The following RTF1 variants were observed in gnomAD, a reference collection of about 807,000 sequenced individuals.
RTF1 encodes the protein RNA polymerase-associated protein RTF1 homolog.
A neutral mutation model predicts 95.7 loss-of-function variants in RTF1; 10 were observed. The ratio of observed to expected loss-of-function variants is 0.10; its 90% CI spans 0.06 to 0.18. RTF1 has a LOEUF of 0.18. Among genes scored for constraint, RTF1 ranks in the 10% least tolerant of loss-of-function variants. The probability of loss-of-function intolerance (pLI) is 1.00; values close to 1 mark genes in which losing one functional copy is unlikely to be tolerated. For missense variants in RTF1, 458 were observed against 875.6 expected (o/e 0.52, Z 6.02); for synonymous variants, 305 against 311.8 (o/e 0.98, Z 0.23).
intron 2 of RTF1, among the ~76,000 whole-genome samples, chr15:41,449,800 A>T (rs1162787311): frequency 6.6e-6 from 1 of 152,094 alleles, no homozygotes; most frequent in East Asian, 1.9e-4. Flanking sequence ...ACCTCATCAT[A>T]AAAACGAAAA....
intron 1 of RTF1, among the ~76,000 whole-genome samples, chr15:41,418,859 A>AT (rs1425274174): frequency 4.0e-5 from 6 of 151,404 alleles, no homozygotes; most frequent in Admixed American, 2.0e-4. Context: ...TTATTTATTT[A>AT]TTTATTTTTT....
intron 2 of RTF1, 77 bp from the exon 3 acceptor site, chr15:41,452,817 GACTCTTA>G (rs2050795454): frequency 8.4e-6 from 8 of 956,886 alleles, no homozygotes; most frequent in African/African-American, 1.7e-5. Context: ...GAATGCCAGA[GACTCTTA>G]ACTCTTGAGT....
chr15:41,464,491 G>A (rs543124586), intron 4 of RTF1, among the ~76,000 whole-genome samples: 169 of 151,872 alleles, frequency 1.1e-3, no homozygotes, highest in African/African-American at 3.7e-3. Context: ...CCCCCGCCTC[G>A]GCCTCCCAAA....
Position 41,432,477 on chromosome 15 carries a change from G to A in RTF1, c.199-5844G>A, listed in dbSNP as rs990085422. Among the ~76,000 whole-genome samples the A allele has an allele frequency of 1.8e-4, 27 of 151,704 alleles. No homozygotes were observed. The Middle Eastern group carries it at 0.01, about 59-fold the overall frequency. ...CTCCCAAAGTGCTGGGATTACAGGC[G>A]TGAGCCACTGCGCCCGGCCTAGGTT... On this transcript the variant is annotated intron_variant, in intron 1 of 17. Transcript: ENST00000389629.
At chr15:41,480,102 G>A (rs1415436256) in intron 16 of RTF1, 112 bp from the exon 17 acceptor site, 11 of 682,874 alleles carry the variant, frequency 1.6e-5, no homozygotes, top group Admixed American at 4.9e-5. Context: ...AGGGGCCTTA[G>A]TAGGAAAATC....
chr15:41,427,043 T>C (rs1401131782), intron 1 of RTF1, among the ~76,000 whole-genome samples: 1 of 151,206 alleles, frequency 6.6e-6, no homozygotes, highest in Non-Finnish European at 1.5e-5. Flanking sequence ...GGTTTCACCA[T>C]GTTGGCCAGG....
chr15:41,437,388 C>T (rs1009845568), intron 1 of RTF1, among the ~76,000 whole-genome samples: 6 of 151,010 alleles, frequency 4.0e-5, no homozygotes, highest in East Asian at 2.0e-4. Context: ...GACAGCTACT[C>T]GGGAGGCTGA....
At chr15:41,455,708 G>T (rs781330863) in intron 3 of RTF1, among the ~76,000 whole-genome samples, 1 of 151,204 alleles carries the variant, frequency 6.6e-6, no homozygotes, top group Admixed American at 6.6e-5. Context: ...AGGAGGCTGA[G>T]CCCCAAGAAT....
intron 1 of RTF1, among the ~76,000 whole-genome samples, chr15:41,436,898 C>T (rs561558702): frequency 7.2e-5 from 11 of 151,864 alleles, no homozygotes; most frequent in Admixed American, 2.6e-4. Context: ...ACCATCCTGG[C>T]CAACTTGGTG....
intron 8 of RTF1, among the ~76,000 whole-genome samples, chr15:41,472,970 G>A (rs1447113102): frequency 2.0e-5 from 3 of 151,888 alleles, no homozygotes; most frequent in Non-Finnish European, 4.4e-5. Flanking sequence ...CAAAGTGCTG[G>A]GATTACAGGC....
chr15:41,477,827 C>T (rs1212316851), intron 14 of RTF1, among the ~76,000 whole-genome samples: 2 of 152,176 alleles, frequency 1.3e-5, no homozygotes, highest in African/African-American at 2.4e-5. Context: ...GATAATATGC[C>T]GGGCGCGGTG....
intron 2 of RTF1, among the ~76,000 whole-genome samples, chr15:41,442,553 C>T (rs1001941046): frequency 2.6e-5 from 4 of 151,942 alleles, no homozygotes; most frequent in East Asian, 3.9e-4. Flanking sequence ...GTGTCTTTAA[C>T]GCCTGCAGAT....
intron 14 of RTF1, among the ~76,000 whole-genome samples, chr15:41,477,751 T>C (rs2050949012): frequency 6.6e-6 from 1 of 152,228 alleles, no homozygotes; most frequent in South Asian, 2.1e-4. Flanking sequence ...AGGTATTTGT[T>C]TTTTCTCAAT....
At chr15:41,466,291 A>G in intron 6 of RTF1, 39 bp downstream of exon 6, 2 of 1,335,662 alleles carry the variant, frequency 1.5e-6, no homozygotes, top group Non-Finnish European at 1.0e-6. Context: ...GTGTCTTTAT[A>G]TGATTTGACT....
intron 1 of RTF1, among the ~76,000 whole-genome samples, chr15:41,436,301 A>G (rs977393299): frequency 6.6e-6 from 1 of 151,140 alleles, no homozygotes; most frequent in African/African-American, 2.4e-5. Context: ...AAAAAAAAAA[A>G]AAAAAAAAAT....
intron 2 of RTF1, among the ~76,000 whole-genome samples, chr15:41,450,601 A>G (rs1390109187): frequency 1.3e-5 from 2 of 151,570 alleles, no homozygotes; most frequent in African/African-American, 4.8e-5. Flanking sequence ...AAAAAAAAAA[A>G]TTATCTTCCT....
chr15:41,451,340 T>A (rs1461255687), intron 2 of RTF1, among the ~76,000 whole-genome samples: 2 of 152,228 alleles, frequency 1.3e-5, no homozygotes, highest in Non-Finnish European at 2.9e-5. Flanking sequence ...TCATTTTAAG[T>A]TGGCAAGTTA....
chr15:41,463,501 A>G (rs933310967), intron 4 of RTF1, among the ~76,000 whole-genome samples: 4 of 152,166 alleles, frequency 2.6e-5, no homozygotes, highest in South Asian at 2.1e-4. Context: ...TTGTTGAGAC[A>G]GGGTCTCACT....
At chr15:41,440,737 C>T (rs1043288716) in intron 2 of RTF1, among the ~76,000 whole-genome samples, 2 of 151,962 alleles carry the variant, frequency 1.3e-5, no homozygotes, top group Admixed American at 6.6e-5. Flanking sequence ...GATCTGCCCG[C>T]CTCGGCTTCC....
Sources: gnomAD v4.1 joint callset for allele counts (sites outside exome capture counted in the v4.1 genomes callset) on GRCh38, gnomAD v4.1.1 for gene constraint, MANE v1.5 for transcripts, NCBI Gene and HGNC (gene_info 2026-07-23, HGNC 2026-07-21) for gene names.